RAD51B: variants seen among roughly 807,000 people sequenced by gnomAD.
RAD51B encodes the protein RAD51 paralog B.
In RAD51B, 38 loss-of-function variants were observed where a neutral mutation model predicts 42.2. The observed-to-expected ratio is 0.90, with a 90% confidence interval of 0.70 to 1.18. The LOEUF is 1.18. RAD51B is among the 50% of genes most tolerant of loss of function. RAD51B has a pLI of 0.00. For synonymous variants in RAD51B, 154 were observed against 145.2 expected, an observed-to-expected ratio of 1.06 and a Z score of -0.43; for missense variants, 373 against 400.7, an observed-to-expected ratio of 0.93 and a Z score of 0.59.
rs375533093 is a variant in RAD51B, at chr14:67,868,358, G to A, written c.452+3219G>A. Reference sequence around the variant, plus strand: ...CTGGAAAATCGGGTCACTCCCACCCGAATACTGTGCTTTTCCGACGGGCTT... The same window carrying A: ...CTGGAAAATCGGGTCACTCCCACCCAAATACTGTGCTTTTCCGACGGGCTT... On this transcript the variant is annotated intron_variant, in intron 5 of 10. Transcript: ENST00000471583. Among the ~76,000 whole-genome samples the A allele has an allele frequency of 9.1e-3, 1,378 of 152,214 alleles. 22 individuals carry two copies. The highest frequency in any genetic ancestry group is 0.031 in the African/African-American group (1,299 of 41,540).
intron 9 of RAD51B, among the ~76,000 whole-genome samples, chr14:68,442,845 AAAGTT>A (rs1170233458): frequency 3.3e-5 from 5 of 152,156 alleles, no homozygotes; most frequent in Non-Finnish European, 7.4e-5. Context: ...GAGGCTGTGA[AAAGTT>A]AAGTAACTTG....
rs76188849 is a variant in RAD51B, at chr14:68,181,788, A to G, written c.757-110096A>G. 8.6e-3 allele frequency among the ~76,000 whole-genome samples: 1,304 copies of G among 152,292 alleles called. 41 individuals are homozygous for G. Among genetic ancestry groups the G allele is most frequent in the East Asian group, 0.078 (403 of 5,172 alleles). ...AAAGGTGGGGGTTTGGAGGAGCACA[A>G]TTTAAAATTCTCTGGGTTGTAGGCT... On this transcript the variant is annotated intron_variant, in intron 7 of 10. Coordinates refer to ENST00000471583, the MANE Select transcript of RAD51B (RefSeq NM_133510.4).
At position 68,484,359 on chromosome 14, in the gene RAD51B, CT is replaced by C. The variant is rs10665607; in HGVS notation, c.1036+16125del. Among the ~76,000 whole-genome samples, 404 of 130,140 alleles carry C rather than the reference CT, an allele frequency of 3.1e-3. 2 individuals are homozygous for C. The highest frequency in any genetic ancestry group is 9.0e-3 in the African/African-American group (302 of 33,438). The allele number at this position is 130,140 out of a possible 152,430, so 85.4% of individuals were successfully genotyped here. A position where few individuals can be genotyped will look rare whatever the true frequency, so the allele number is the denominator to read the frequency against. On this transcript the variant is annotated intron_variant, in intron 10 of 10. Transcript: ENST00000487270. ...CAGTTGGGCTATTTTCTTTCTTTTT[CT>C]TTTTTTTTTTTTTTTGAGACAGAGT... is the stretch of plus-strand genomic sequence containing the variant.
chr14:68,080,450 A>G (rs536738921), intron 7 of RAD51B, among the ~76,000 whole-genome samples: 1 of 152,190 alleles, frequency 6.6e-6, no homozygotes, highest in Non-Finnish European at 1.5e-5. Context: ...GATATGGGCT[A>G]ATGTTTGAAT....
At chr14:68,291,833 C>T (rs1282445685) in intron 7 of RAD51B, 51 bp from the exon 8 acceptor site, 2 of 1,395,630 alleles carry the variant, frequency 1.4e-6, no homozygotes, top group Admixed American at 1.7e-5. Flanking sequence ...TTTGGTCTTC[C>T]CTGTCTTTCT....
chr14:68,182,352 A>T (rs1453495136), intron 7 of RAD51B, among the ~76,000 whole-genome samples: 2 of 152,214 alleles, frequency 1.3e-5, no homozygotes, highest in East Asian at 3.8e-4. Context: ...AAATGTAATG[A>T]TTTTACATAT....
intron 7 of RAD51B, among the ~76,000 whole-genome samples, chr14:67,952,271 A>C (rs559550287): frequency 6.6e-6 from 1 of 152,266 alleles, no homozygotes; most frequent in East Asian, 1.9e-4. Flanking sequence ...TTGAACTATA[A>C]TAAGCTATTT....
At chr14:68,611,527 G>C in exon 11 of RAD51B, 1 of 476,976 alleles carries the variant, frequency 2.1e-6, no homozygotes, top group South Asian at 2.3e-5. Flanking sequence ...ATTGTAAAAG[G>C]ATTGCTGAAG....
At chr14:68,559,152 C>T (rs1029489851) in intron 10 of RAD51B, among the ~76,000 whole-genome samples, 15 of 150,870 alleles carry the variant, frequency 9.9e-5, no homozygotes, top group East Asian at 1.9e-4. Context: ...AAAACCTGTC[C>T]ATATATATGT....
intron 10 of RAD51B, among the ~76,000 whole-genome samples, chr14:68,556,498 G>T (rs929285): frequency 3.3e-5 from 5 of 152,058 alleles, no homozygotes; most frequent in African/African-American, 7.2e-5. Context: ...GGACCCCTGG[G>T]GGATGGGGAG....
intron 7 of RAD51B, among the ~76,000 whole-genome samples, chr14:68,089,457 T>TG (rs1293305010): frequency 6.6e-6 from 1 of 152,204 alleles, no homozygotes; most frequent in Non-Finnish European, 1.5e-5. Flanking sequence ...TCTTCATTAG[T>TG]GACCCAGCAG....
intron 7 of RAD51B, among the ~76,000 whole-genome samples, chr14:67,925,602 T>G (rs1284395067): frequency 6.6e-6 from 1 of 152,160 alleles, no homozygotes; most frequent in Non-Finnish European, 1.5e-5. Flanking sequence ...TGGAGGATGG[T>G]GGCCATCTTC....
At chr14:68,549,329 G>A (rs1490305371) in intron 10 of RAD51B, among the ~76,000 whole-genome samples, 2 of 151,444 alleles carry the variant, frequency 1.3e-5, no homozygotes, top group African/African-American at 2.4e-5. Flanking sequence ...CCAGTGAGGA[G>A]TGGCTTGCAC....
At chr14:68,306,017 C>T (rs114999338) in intron 8 of RAD51B, among the ~76,000 whole-genome samples, 2,194 of 152,302 alleles carry the variant, frequency 0.014, 48 homozygotes, top group African/African-American at 0.049. Flanking sequence ...TGTTGGGGAA[C>T]TGGCTTTCTT....
At chr14:67,968,766 C>T (rs2074836505) in intron 7 of RAD51B, among the ~76,000 whole-genome samples, 1 of 152,138 alleles carries the variant, frequency 6.6e-6, no homozygotes, top group Admixed American at 6.5e-5. Flanking sequence ...TCTTCTGAGC[C>T]CTTCAAACTG....
chr14:68,358,598 T>C (rs778028213), intron 8 of RAD51B, among the ~76,000 whole-genome samples: 1 of 152,244 alleles, frequency 6.6e-6, no homozygotes, highest in African/African-American at 2.4e-5. Flanking sequence ...TATGTTTGCT[T>C]TACTTTGATT....
At chr14:68,437,392 C>T (rs2085172188) in intron 9 of RAD51B, among the ~76,000 whole-genome samples, 1 of 152,200 alleles carries the variant, frequency 6.6e-6, no homozygotes. Context: ...TTTTTATGTA[C>T]TACTGGATTT....
intron 6 of RAD51B, 147 bp from the exon 7 acceptor site, chr14:67,886,874 A>T (rs985735879): frequency 1.9e-6 from 1 of 523,904 alleles, no homozygotes; most frequent in African/African-American, 2.0e-5. Flanking sequence ...TATGTCTACA[A>T]GTTAGGTTTA....
chr14:68,116,271 T>C (rs933140424), intron 7 of RAD51B, among the ~76,000 whole-genome samples: 26 of 150,974 alleles, frequency 1.7e-4, no homozygotes, highest in African/African-American at 5.8e-4. Flanking sequence ...AAGACCAACA[T>C]GCTTTGTGAT....
Sources: gnomAD v4.1 joint callset for allele counts (sites outside exome capture counted in the v4.1 genomes callset) on GRCh38, gnomAD v4.1.1 for gene constraint, MANE v1.5 for transcripts, NCBI Gene and HGNC (gene_info 2026-07-23, HGNC 2026-07-21) for gene names.